HDGFL3: variants seen among roughly 807,000 people sequenced by gnomAD.
HDGFL3 encodes the protein HDGF like 3.
In HDGFL3, 6 loss-of-function variants were observed where a neutral mutation model predicts 27.6. The observed-to-expected ratio is 0.22, with a 90% CI of 0.12 to 0.43. HDGFL3 has a LOEUF of 0.43. Ranked by LOEUF, HDGFL3 falls within the 20% of genes least tolerant of loss-of-function variation. The probability of loss-of-function intolerance (pLI) is 1.00; values close to 1 mark genes in which losing one functional copy is unlikely to be tolerated. For missense variants in HDGFL3, 207 were observed against 250.1 expected, an observed-to-expected ratio of 0.83 and a Z score of 1.16; for synonymous variants, 88 against 88.9, an observed-to-expected ratio of 0.99 and a Z score of 0.05.
chr15:83,155,009 A>G (rs780669069), intron 4 of HDGFL3, among the ~76,000 whole-genome samples: 37 of 152,048 alleles, frequency 2.4e-4, no homozygotes, highest in Non-Finnish European at 4.7e-4. Flanking sequence ...GCTGGACTAC[A>G]GGTGTGAGCA....
intron 1 of HDGFL3, among the ~76,000 whole-genome samples, chr15:83,193,060 C>T (rs1164395067): frequency 6.6e-6 from 1 of 152,102 alleles, no homozygotes; most frequent in Non-Finnish European, 1.5e-5. Flanking sequence ...TAAAAACTCA[C>T]TGTCATGGGA....
chr15:83,142,686 C>T (rs942581730), intron 5 of HDGFL3, among the ~76,000 whole-genome samples: 2 of 152,110 alleles, frequency 1.3e-5, no homozygotes, highest in African/African-American at 4.8e-5. Flanking sequence ...GATTAAGATA[C>T]TCATATCACC....
chr15:83,202,971 T>G (rs1166015482), intron 1 of HDGFL3, among the ~76,000 whole-genome samples: 2 of 152,126 alleles, frequency 1.3e-5, no homozygotes. Context: ...TGAGCATTCT[T>G]GTACAGTATT....
intron 2 of HDGFL3, among the ~76,000 whole-genome samples, chr15:83,162,764 A>G (rs1391492394): frequency 1.3e-5 from 2 of 152,214 alleles, no homozygotes; most frequent in African/African-American, 2.4e-5. Flanking sequence ...ACAAGCTAAG[A>G]AAGTTCATGC....
chr15:83,153,895 A>C (rs1222422943), intron 4 of HDGFL3, among the ~76,000 whole-genome samples: 2 of 152,168 alleles, frequency 1.3e-5, no homozygotes, highest in Non-Finnish European at 2.9e-5. Context: ...TAGAAAACTG[A>C]AATTAGGTGA....
chr15:83,174,823 C>T (rs925119900), intron 1 of HDGFL3, among the ~76,000 whole-genome samples: 3 of 152,124 alleles, frequency 2.0e-5, no homozygotes, highest in African/African-American at 7.2e-5. Flanking sequence ...CAAAAACAAC[C>T]TTTGGTTAAG....
intron 1 of HDGFL3, among the ~76,000 whole-genome samples, chr15:83,177,686 A>T (rs1315660768): frequency 1.3e-5 from 2 of 151,672 alleles, no homozygotes; most frequent in African/African-American, 2.4e-5. Flanking sequence ...TTGGTCACTG[A>T]GTGTGTGTGT....
At chr15:83,156,318 C>T (rs2151401450) in intron 4 of HDGFL3, among the ~76,000 whole-genome samples, 1 of 152,184 alleles carries the variant, frequency 6.6e-6, no homozygotes, top group East Asian at 1.9e-4. Context: ...TTTAGGTCCC[C>T]CTGCTCCCAT....
rs139064264 is a variant in HDGFL3 at position 83,186,905 on chromosome 15, T to A, written c.84+20426A>T. 5.6e-3 allele frequency among the ~76,000 whole-genome samples: 848 copies of A among 152,330 alleles called. 2 individuals are homozygous for A. Among genetic ancestry groups the A allele is most frequent in the Non-Finnish European group, 8.9e-3 (606 of 68,040 alleles). On this transcript the variant is annotated intron_variant, in intron 1 of 5. Coordinates refer to ENST00000299633, the MANE Select transcript of HDGFL3 (RefSeq NM_016073.4). Reference sequence around the variant, plus strand: ...AAAATAAGTAAATAAATACATTTTTTAAAAACAAAATTATCTTTATTCTAT... The same window carrying A: ...AAAATAAGTAAATAAATACATTTTTAAAAAACAAAATTATCTTTATTCTAT...
At position 83,207,214 on chromosome 15, in the gene HDGFL3, C is replaced by T. The variant is rs1248481723; in HGVS notation, c.84+117G>A. The T allele has an allele frequency of 1.7e-5, 12 of 688,372 alleles. No individual in the cohort carries two copies. Among genetic ancestry groups the T allele is most frequent in the Non-Finnish European group, 2.5e-5 (12 of 484,760 alleles). The allele number at this position is 688,372 out of a possible 1,614,324, so 42.6% of individuals were successfully genotyped here. A position where few individuals can be genotyped will look rare whatever the true frequency, so the allele number is the denominator to read the frequency against. ...GTGCCGCGCCGCCCTCAGCCCTCAC[C>T]ACAGCCGGCCGCGAGCTGCGGGCTC... On this transcript the variant is annotated intron_variant, in intron 1 of 5. Coordinates refer to ENST00000299633, the MANE Select transcript of HDGFL3 (RefSeq NM_016073.4). The surrounding 1 kb of genome is among the most constrained non-coding windows in gnomAD (Gnocchi z 4.8).
chr15:83,130,630 T>G lies in HDGFL3; in HGVS notation c.*8640A>C, dbSNP rs999088058. ...CACAGCTCTTGGCTGAGCTTTAATATCTACCCACTTATAGTGTGTAGGCTA... is the reference window on the plus strand; with the variant it reads ...CACAGCTCTTGGCTGAGCTTTAATAGCTACCCACTTATAGTGTGTAGGCTA... On this transcript the variant is annotated 3_prime_UTR_variant, in exon 6 of 6. Coordinates refer to ENST00000299633, the MANE Select transcript of HDGFL3 (RefSeq NM_016073.4). The G allele has an allele frequency of 6.6e-6, 1 of 152,250 alleles. No homozygotes were observed. Among genetic ancestry groups the G allele is most frequent in the East Asian group, 1.9e-4 (1 of 5,200 alleles). 9.4% of individuals were successfully genotyped at this position (152,250 alleles called of 1,614,324 possible). A position where few individuals can be genotyped will look rare whatever the true frequency, so the allele number is the denominator to read the frequency against.
exon 4 of HDGFL3, chr15:83,115,164 C>A (rs185711489): frequency 2.5e-3 from 387 of 157,044 alleles, no homozygotes; most frequent in Non-Finnish European, 4.2e-3. Context: ...GTCGCCCAGG[C>A]TGGAGTGCAG....
chr15:83,161,214 A>AT (rs2037097622), intron 2 of HDGFL3, among the ~76,000 whole-genome samples: 2 of 152,050 alleles, frequency 1.3e-5, no homozygotes, highest in Admixed American at 1.3e-4. Flanking sequence ...GCCTATACTT[A>AT]TTTTTTTGGG....
intron 2 of HDGFL3, among the ~76,000 whole-genome samples, chr15:83,161,136 G>A (rs1340171501): frequency 6.6e-6 from 1 of 152,170 alleles, no homozygotes. Context: ...TTGACTCTAT[G>A]CTTAAGAAAT....
chr15:83,195,581 C>T (rs575382035), intron 1 of HDGFL3, among the ~76,000 whole-genome samples: 5 of 151,932 alleles, frequency 3.3e-5, no homozygotes, highest in Admixed American at 3.3e-4. Context: ...AGTTACTAAC[C>T]CAGAAGAGAT....
intron 1 of HDGFL3, among the ~76,000 whole-genome samples, chr15:83,170,134 G>A (rs1287599469): frequency 1.3e-5 from 2 of 152,142 alleles, no homozygotes; most frequent in South Asian, 2.1e-4. Context: ...TTGTTCAAAT[G>A]TCCAGACTAC....
chr15:83,198,152 A>G (rs560478568), intron 1 of HDGFL3, among the ~76,000 whole-genome samples: 1 of 152,080 alleles, frequency 6.6e-6, no homozygotes, highest in South Asian at 2.1e-4. Context: ...ATTAAAATCT[A>G]TATAACTAAC....
chr15:83,126,450 T>C (rs1391864627), downstream of HDGFL3, among the ~76,000 whole-genome samples: 1 of 152,188 alleles, frequency 6.6e-6, no homozygotes, highest in Non-Finnish European at 1.5e-5. Flanking sequence ...CCAAGAAAAG[T>C]GAAACTCATA....
chr15:83,190,366 C>T (rs756982564), intron 1 of HDGFL3, among the ~76,000 whole-genome samples: 2 of 152,172 alleles, frequency 1.3e-5, no homozygotes, highest in Non-Finnish European at 2.9e-5. Flanking sequence ...CAAAATCCAA[C>T]TTTACAACAT....
Sources: allele counts gnomAD v4.1 joint callset (sites outside exome capture counted in the v4.1 genomes callset), GRCh38; gene constraint gnomAD v4.1.1; non-coding constraint Gnocchi (gnomAD v3.1); transcripts MANE v1.5; gene names NCBI Gene and HGNC (gene_info 2026-07-23, HGNC 2026-07-21).